PDHX: variants seen among roughly 807,000 people sequenced by gnomAD.
The protein encoded by PDHX is pyruvate dehydrogenase complex component X.
PDHX carries 33 observed loss-of-function variants against 55.3 expected under a neutral mutation model. That is an observed-to-expected ratio of 0.60 (90% CI 0.45 to 0.80). The LOEUF is 0.80. PDHX is among the 30% of genes least tolerant of loss of function. The pLI, the probability that PDHX is intolerant of heterozygous loss-of-function variation, is 0.00. For missense variants in PDHX, 622 were observed against 619.9 expected, an observed-to-expected ratio of 1.00 and a Z score of -0.04; for synonymous variants, 226 against 219.4, an observed-to-expected ratio of 1.03 and a Z score of -0.27.
intron 3 of PDHX, among the ~76,000 whole-genome samples, chr11:34,951,250 G>A (rs186941668): frequency 0.1 from 15,247 of 151,468 alleles, 1,610 homozygotes; most frequent in African/African-American, 0.27. Context: ...TAGTAGAGAC[G>A]GGGTTTCACC....
chr11:34,972,038 T>C (rs1327061896), intron 7 of PDHX, among the ~76,000 whole-genome samples: 1 of 152,000 alleles, frequency 6.6e-6, no homozygotes, highest in East Asian at 1.9e-4. Context: ...CCACATTACC[T>C]TATTATACTG....
intron 2 of PDHX, among the ~76,000 whole-genome samples, chr11:34,934,487 A>G (rs554535374): frequency 1.3e-5 from 2 of 151,398 alleles, no homozygotes; most frequent in Non-Finnish European, 1.5e-5. Flanking sequence ...GTGCCAATGT[A>G]TGGACCTAAT....
intron 10 of PDHX, among the ~76,000 whole-genome samples, chr11:34,993,113 A>G (rs1414299915): frequency 6.6e-6 from 1 of 152,134 alleles, no homozygotes; most frequent in Non-Finnish European, 1.5e-5. Context: ...CCGTTTGGGT[A>G]TCTGGTAATT....
chr11:34,923,926 A>G (rs1853957982), intron 1 of PDHX, among the ~76,000 whole-genome samples: 1 of 152,206 alleles, frequency 6.6e-6, no homozygotes, highest in African/African-American at 2.4e-5. Flanking sequence ...TAGAATAGAG[A>G]TCAAGAATTA....
intron 3 of PDHX, among the ~76,000 whole-genome samples, chr11:34,953,402 G>A: frequency 6.6e-6 from 1 of 152,134 alleles, no homozygotes; most frequent in Non-Finnish European, 1.5e-5. Flanking sequence ...TAAGCCAAAA[G>A]AACAAAGCTG....
chr11:34,940,525 C>A (rs1854448721), intron 2 of PDHX, among the ~76,000 whole-genome samples: 3 of 152,108 alleles, frequency 2.0e-5, no homozygotes, highest in African/African-American at 7.2e-5. Flanking sequence ...AAATAGCTTC[C>A]TTTTTTTGGT....
intron 2 of PDHX, among the ~76,000 whole-genome samples, chr11:34,943,161 G>A (rs533381282): frequency 1.6e-4 from 25 of 152,234 alleles, no homozygotes; most frequent in Admixed American, 3.3e-4. Flanking sequence ...TGTCCTGTCC[G>A]TATTGTGAAG....
chr11:34,988,810 C>T (rs1347287821), intron 9 of PDHX, among the ~76,000 whole-genome samples: 1 of 152,148 alleles, frequency 6.6e-6, no homozygotes, highest in Non-Finnish European at 1.5e-5. Flanking sequence ...TGGTCAACCA[C>T]AGTTGAAAAT....
At chr11:34,916,152 C>CAG, upstream of PDHX, 1 of 1,547,774 alleles carries the variant, frequency 6.5e-7, no homozygotes, top group African/African-American at 1.4e-5. Flanking sequence ...CGCTACCCTG[C>CAG]GCCCAGCTCC....
rs546827585 is a variant in PDHX, at chr11:34,984,334, T to C, written c.1024-236T>C. 2.0e-5 allele frequency among the ~76,000 whole-genome samples: 3 copies of C among 152,346 alleles called. No homozygotes were observed. The East Asian group carries it at 5.8e-4, about 29-fold the overall frequency. On this transcript the variant is annotated intron_variant, in intron 8 of 10. Coordinates refer to ENST00000227868, the MANE Select transcript of PDHX (RefSeq NM_003477.3). ...CCATGATATAAAGGATCAAAACATG[T>C]ACCTCATCAGAATTTCTTCAAACTT...
intron 2 of PDHX, among the ~76,000 whole-genome samples, chr11:34,934,603 G>A (rs1461007470): frequency 1.2e-4 from 13 of 110,730 alleles, no homozygotes; most frequent in Non-Finnish European, 2.1e-4. Context: ...TTTGAGACAT[G>A]GTCTCACTCT....
At chr11:34,994,873 T>G (rs1287781185) in intron 10 of PDHX, 41 bp from the exon 11 acceptor site, 1 of 1,611,924 alleles carries the variant, frequency 6.2e-7, no homozygotes, top group African/African-American at 1.3e-5. Context: ...GGACTTTGAT[T>G]AAGGACATGC....
chr11:34,963,260 A>T (rs1247022771), intron 5 of PDHX, among the ~76,000 whole-genome samples: 1 of 151,966 alleles, frequency 6.6e-6, no homozygotes, highest in Non-Finnish European at 1.5e-5. Context: ...ACACTTTTTT[A>T]TTTTTTAACG....
At chr11:34,937,182 G>A (rs1854350073) in intron 2 of PDHX, among the ~76,000 whole-genome samples, 1 of 152,120 alleles carries the variant, frequency 6.6e-6, no homozygotes, top group Admixed American at 6.6e-5. Context: ...ATAACTGTAG[G>A]CAATTTAAAG....
At chr11:34,930,386 A>G (rs1331328862) in intron 1 of PDHX, among the ~76,000 whole-genome samples, 1 of 152,234 alleles carries the variant, frequency 6.6e-6, no homozygotes, top group Non-Finnish European at 1.5e-5. Context: ...CCCAAGAGAA[A>G]TATTTATTCT....
Position 34,916,883 on chromosome 11 carries a change from T to C in PDHX, c.160+68T>C, listed in dbSNP as rs529988931. 1.9e-5 allele frequency: 27 copies of C among 1,414,624 alleles called. No homozygotes were observed. The East Asian group carries it at 5.5e-4, about 29-fold the overall frequency. 87.6% of individuals were successfully genotyped at this position (1,414,624 alleles called of 1,614,324 possible). Reference sequence around the variant, plus strand: ...GATGGGCCTGGGACAGGGGCAGTTATGATTGAGGGCCTGCTTTTGGGTGTG... The same window carrying C: ...GATGGGCCTGGGACAGGGGCAGTTACGATTGAGGGCCTGCTTTTGGGTGTG... On this transcript the variant is annotated intron_variant, in intron 1 of 10. Transcript: ENST00000227868.
intron 10 of PDHX, among the ~76,000 whole-genome samples, chr11:34,993,525 C>T (rs1321877320): frequency 3.3e-5 from 5 of 152,070 alleles, no homozygotes; most frequent in African/African-American, 9.7e-5. Flanking sequence ...ACTAAATTTA[C>T]ACAGCATCAT....
rs72914728 is a variant in PDHX, at chr11:34,957,983, A to G, written c.542+400A>G. Among the ~76,000 whole-genome samples, 182 of 152,286 alleles carry G rather than the reference A, an allele frequency of 1.2e-3. 1 individual carries two copies. Among genetic ancestry groups the G allele is most frequent in the South Asian group, 1.5e-3 (7 of 4,824 alleles). On this transcript the variant is annotated intron_variant, in intron 4 of 10. Transcript: ENST00000227868. The stretch of plus-strand genomic sequence containing the variant: ...CAAATGTCTATCTGATATAAAATAG[A>G]ATTCATGTTTTAACATGCATTCGTT...
intron 7 of PDHX, chr11:34,977,712 A>G: frequency 2.2e-6 from 1 of 455,750 alleles, no homozygotes; most frequent in South Asian, 1.6e-5. Flanking sequence ...ACAGAGAATA[A>G]GGGTATTTGA....
Sources: allele counts gnomAD v4.1 joint callset (sites outside exome capture counted in the v4.1 genomes callset), GRCh38; gene constraint gnomAD v4.1.1; transcripts MANE v1.5; gene names NCBI Gene and HGNC (gene_info 2026-07-23, HGNC 2026-07-21).